The following KLHL5 variants were observed in gnomAD, a reference collection of about 807,000 sequenced individuals.
The protein encoded by KLHL5 is kelch like family member 5.
A neutral mutation model predicts 77.7 loss-of-function variants in KLHL5; 48 were observed. The observed-to-expected ratio is 0.62, with a 90% confidence interval of 0.49 to 0.79. KLHL5 has a LOEUF of 0.79. Ranked by LOEUF, KLHL5 falls within the 30% of genes least tolerant of loss-of-function variation. The pLI is 0.00. For missense variants in KLHL5, 723 were observed against 859.7 expected, an observed-to-expected ratio of 0.84 and a Z score of 1.99; for synonymous variants, 260 against 297.0, an observed-to-expected ratio of 0.88 and a Z score of 1.28.
Position 39,115,270 on chromosome 4 carries a change from T to G in KLHL5, c.2013T>G (p.Asp671Glu), listed in dbSNP as rs773147437. The G allele has an allele frequency of 1.2e-6, 2 of 1,614,030 alleles. No homozygotes were observed. The highest frequency in any genetic ancestry group is 1.1e-5 in the South Asian group (1 of 91,076). Residue 671 changes from aspartate to glutamate, a missense_variant, in exon 10 of 11, where the codon GAT becomes GAG. Around this residue, in one of 3 missense-constraint regions of KLHL5, gnomAD observed 214 missense variants for 237.4 expected, o/e 0.90. Transcript: ENST00000504108. ...AGTTATATGCTGTTGGGGGGTATGA[T>G]GGACAGGCATACCTTAATACTGTGG... ...GDKLYAVGGY[D>E]GQAYLNTVEA...
chr4:39,076,991 C>T (rs1455409761), intron 2 of KLHL5, among the ~76,000 whole-genome samples: 1 of 151,084 alleles, frequency 6.6e-6, no homozygotes, highest in East Asian at 1.9e-4. Context: ...ACAGACAACC[C>T]ACAGAGAGGG....
chr4:39,133,164 C>A, the KLHL5 span, among the ~76,000 whole-genome samples: 1 of 152,176 alleles, frequency 6.6e-6, no homozygotes, highest in Middle Eastern at 3.4e-3. Flanking sequence ...GCTTATCCAG[C>A]AGATGTTTTA....
intron 5 of KLHL5, among the ~76,000 whole-genome samples, chr4:39,088,661 A>G (rs1296336371): frequency 1.3e-5 from 2 of 152,190 alleles, no homozygotes. Flanking sequence ...TGACAGATAC[A>G]TGAATGTGGC....
intron 5 of KLHL5, among the ~76,000 whole-genome samples, chr4:39,091,222 CAA>C (rs1720519417): frequency 6.6e-6 from 1 of 151,988 alleles, no homozygotes; most frequent in South Asian, 2.1e-4. Context: ...CTCCTGACCT[CAA>C]GAGATCCACC....
At chr4:39,063,141 C>A in intron 1 of KLHL5, 106 bp downstream of exon 1, 1 of 729,060 alleles carries the variant, frequency 1.4e-6, no homozygotes, top group Non-Finnish European at 2.1e-6. Context: ...ATATGTACAT[C>A]TGCATACATA....
At chr4:39,074,475 C>T (rs1396566529) in intron 1 of KLHL5, among the ~76,000 whole-genome samples, 1 of 152,188 alleles carries the variant, frequency 6.6e-6, no homozygotes, top group Non-Finnish European at 1.5e-5. Context: ...AAAGCCATAC[C>T]TGTTCTTAGC....
chr4:39,104,392 C>G (rs986680661), intron 7 of KLHL5, among the ~76,000 whole-genome samples: 4 of 152,144 alleles, frequency 2.6e-5, no homozygotes, highest in African/African-American at 9.7e-5. Context: ...ATGAATGAGA[C>G]TTAGAAATTT....
chr4:39,091,841 A>AGT (rs71192819), intron 5 of KLHL5, among the ~76,000 whole-genome samples: 38,382 of 97,578 alleles, frequency 0.39, 8,929 homozygotes, highest in Non-Finnish European at 0.47. Flanking sequence ...ACATCTGACT[A>AGT]GTTTTTTTTT....
chr4:39,125,535 T>TA lies in KLHL5; in HGVS notation c.*4470dup, dbSNP rs1723489516. 2.6e-5 allele frequency among the ~76,000 whole-genome samples: 4 copies of TA among 152,310 alleles called. No homozygotes were observed. Among genetic ancestry groups the TA allele is most frequent in the African/African-American group, 9.6e-5 (4 of 41,554 alleles). ...GCCATAAAGAGAAATGAGGGACTGA[T>TA]ACATGCTAAAGCATGGATGAGCCTT... On this transcript the variant is annotated 3_prime_UTR_variant, in exon 11 of 11. Transcript: ENST00000504108.
chr4:39,095,220 C>T (rs556370028), intron 5 of KLHL5, among the ~76,000 whole-genome samples: 22 of 152,156 alleles, frequency 1.4e-4, no homozygotes, highest in African/African-American at 5.1e-4. Context: ...CTTATATTCA[C>T]TTATCAGGAA....
intron 10 of KLHL5, among the ~76,000 whole-genome samples, chr4:39,116,930 G>C (rs1038507674): frequency 1.3e-5 from 2 of 152,038 alleles, no homozygotes; most frequent in African/African-American, 4.8e-5. Flanking sequence ...TTCACCTCCC[G>C]CATTCAAGAG....
At chr4:39,065,417 G>A (rs866165596) in intron 1 of KLHL5, among the ~76,000 whole-genome samples, 47 of 149,574 alleles carry the variant, frequency 3.1e-4, no homozygotes, top group African/African-American at 1.1e-3. Flanking sequence ...GTGCAGTGGC[G>A]TGATCTCGGC....
At chr4:39,062,064 G>A (rs531798350), upstream of KLHL5, among the ~76,000 whole-genome samples, 95 of 152,224 alleles carry the variant, frequency 6.2e-4, no homozygotes, top group African/African-American at 2.2e-3. Context: ...TTTTACAAAT[G>A]CTTTTTTAAA....
chr4:39,073,899 C>T (rs1718747381), intron 1 of KLHL5, among the ~76,000 whole-genome samples: 1 of 151,750 alleles, frequency 6.6e-6, no homozygotes, highest in African/African-American at 2.4e-5. Context: ...ATCTCCTGAC[C>T]TCATGATCTA....
Position 39,063,039 on chromosome 4 carries a change from G to T in KLHL5, c.383+4G>T. ...AATCTGATTCCAGTTCATGCAGGTTGATTATTTTCTTACTGTTAGAAAAGG... is the reference window on the plus strand; with the variant it reads ...AATCTGATTCCAGTTCATGCAGGTTTATTATTTTCTTACTGTTAGAAAAGG... On this transcript the variant is annotated splice_donor_region_variant and intron_variant, in intron 1 of 10. Coordinates refer to ENST00000504108, the MANE Select transcript of KLHL5 (RefSeq NM_015990.5). 1 of 1,605,570 alleles carries T rather than the reference G, an allele frequency of 6.2e-7. No homozygotes were observed. Among genetic ancestry groups the T allele is most frequent in the South Asian group, 1.1e-5 (1 of 89,750 alleles).
At chr4:39,111,060 A>G (rs967010255) in intron 8 of KLHL5, among the ~76,000 whole-genome samples, 2 of 152,142 alleles carry the variant, frequency 1.3e-5, no homozygotes, top group African/African-American at 2.4e-5. Flanking sequence ...CAGCTTGAAA[A>G]TCATTGCTTG....
chr4:39,113,182 C>T lies in KLHL5; in HGVS notation c.1851C>T (p.His617=), dbSNP rs1247045414. Reference sequence around the variant, plus strand: ...GACTGCTGTATGCTATAGGGGGGCACGATGCTCCCGCATCCAACTTGACTT... The same window carrying T: ...GACTGCTGTATGCTATAGGGGGGCATGATGCTCCCGCATCCAACTTGACTT... ...WNGLLYAIGG[H]DAPASNLTSR... is the part of the protein sequence containing the mutation. Residue 617 remains histidine (H), a synonymous_variant, in exon 9 of 11, where the codon CAC becomes CAT. Transcript: ENST00000504108. 8.1e-6 allele frequency: 13 copies of T among 1,613,822 alleles called. No homozygotes were observed. In the East Asian group the frequency reaches 1.8e-4, roughly 22 times the overall value.
chr4:39,064,260 G>T (rs773539222), intron 1 of KLHL5, among the ~76,000 whole-genome samples: 2 of 135,430 alleles, frequency 1.5e-5, no homozygotes, highest in South Asian at 4.6e-4. Context: ...TAGGTAAATA[G>T]TGTATTTAAT....
chr4:39,074,227 T>C (rs1718787329), intron 1 of KLHL5, among the ~76,000 whole-genome samples: 1 of 152,204 alleles, frequency 6.6e-6, no homozygotes, highest in Non-Finnish European at 1.5e-5. Flanking sequence ...TATTGACAAT[T>C]ATCCTCCAAG....
Sources: allele counts gnomAD v4.1 joint callset (sites outside exome capture counted in the v4.1 genomes callset), GRCh38; gene constraint gnomAD v4.1.1; regional missense constraint gnomAD v4.1.1; transcripts MANE v1.5; gene names NCBI Gene and HGNC (gene_info 2026-07-23, HGNC 2026-07-21).